The following ZCCHC24 variants were observed in gnomAD, a reference collection of about 807,000 sequenced individuals.
ZCCHC24 encodes the protein zinc finger CCHC domain-containing protein 24.
In ZCCHC24, 10 loss-of-function variants were observed where a neutral mutation model predicts 26.2. The ratio of observed to expected loss-of-function variants is 0.38; its 90% CI spans 0.24 to 0.65. The LOEUF (loss-of-function observed/expected upper bound fraction) is 0.65, where lower values mean the gene tolerates loss of function less well. Among genes scored for constraint, ZCCHC24 ranks in the 30% least tolerant of loss-of-function variants. The pLI is 0.54. For missense variants in ZCCHC24, 243 were observed against 329.1 expected (o/e 0.74, Z 2.03); for synonymous variants, 144 against 147.1 (o/e 0.98, Z 0.15).
chr10:79,386,079 G>C lies in ZCCHC24; in HGVS notation c.*266C>G. 1.8e-6 allele frequency: 1 copy of C among 553,716 alleles called. No individual in the cohort carries two copies. The highest frequency in any genetic ancestry group is 1.9e-5 in the African/African-American group (1 of 53,514). The allele number at this position is 553,716 out of a possible 1,614,324, so 34.3% of individuals were successfully genotyped here. ...GGCTCCTGGACATGGGCTTTTGCTTGCCTTTGTCCCCTCCACTGAGACCCC... is the reference window on the plus strand; with the variant it reads ...GGCTCCTGGACATGGGCTTTTGCTTCCCTTTGTCCCCTCCACTGAGACCCC... On this transcript the variant is annotated 3_prime_UTR_variant, in exon 4 of 4. Coordinates refer to ENST00000372336, the MANE Select transcript of ZCCHC24 (RefSeq NM_153367.4).
At chr10:79,406,815 T>TGA (rs1856720934) in intron 2 of ZCCHC24, among the ~76,000 whole-genome samples, 1 of 152,228 alleles carries the variant, frequency 6.6e-6, no homozygotes, top group African/African-American at 2.4e-5. Flanking sequence ...TACATGGCCT[T>TGA]GAGCTCTGAC....
chr10:79,394,423 C>T lies in ZCCHC24; in HGVS notation c.465G>A (p.Glu155=). ...KDCPQARPKG[E]GLTPYQGKKR... is the part of the protein sequence containing the mutation. ...TTTTGCCCTGGTATGGAGTCAGGCC[C>T]TCGCCTTTGGGGCGTGCCTACAGGG... Residue 155 remains glutamate, a synonymous_variant, in exon 3 of 4, where the codon GAG becomes GAA. Transcript: ENST00000372336. 1 of 1,614,154 alleles carries T rather than the reference C, an allele frequency of 6.2e-7. No individual in the cohort carries two copies. Among genetic ancestry groups the T allele is most frequent in the Non-Finnish European group, 8.5e-7 (1 of 1,179,986 alleles).
At chr10:79,441,817 G>T (rs1857294700) in intron 1 of ZCCHC24, among the ~76,000 whole-genome samples, 1 of 152,206 alleles carries the variant, frequency 6.6e-6, no homozygotes. Context: ...GAGGGAAAGA[G>T]AACAGCTGCC....
At chr10:79,444,303 C>T in intron 1 of ZCCHC24, 1 of 1,375,494 alleles carries the variant, frequency 7.3e-7, no homozygotes. Context: ...CTGGGCAGGC[C>T]CTGGAGACTC....
At chr10:79,444,198 G>T in intron 1 of ZCCHC24, 1 of 1,523,442 alleles carries the variant, frequency 6.6e-7, no homozygotes, top group South Asian at 1.3e-5. Context: ...ACAAGGGGAG[G>T]AAGTGAAGGC....
chr10:79,424,017 GAAAAA>G (rs5786403), intron 2 of ZCCHC24, among the ~76,000 whole-genome samples: 1 of 122,474 alleles, frequency 8.2e-6, no homozygotes. Flanking sequence ...GACTCCGTCT[GAAAAA>G]AAAAAAAAAA....
chr10:79,394,677 C>T (rs757534111), intron 2 of ZCCHC24: 34 of 965,838 alleles, frequency 3.5e-5, no homozygotes, highest in Middle Eastern at 5.3e-4. Flanking sequence ...GAGGAGATGG[C>T]GCACGTCTCT....
At chr10:79,436,399 G>A (rs1382703220) in intron 1 of ZCCHC24, among the ~76,000 whole-genome samples, 2 of 152,320 alleles carry the variant, frequency 1.3e-5, no homozygotes, top group Middle Eastern at 6.8e-3. Context: ...CACAGATCCA[G>A]GTGCTCCTGA....
chr10:79,426,273 C>T (rs372956780), intron 2 of ZCCHC24, among the ~76,000 whole-genome samples: 1 of 152,150 alleles, frequency 6.6e-6, no homozygotes, highest in East Asian at 1.9e-4. Flanking sequence ...AGCTTCAGGA[C>T]CTAGGCAGGG....
chr10:79,406,743 G>C (rs1327879890), intron 2 of ZCCHC24, among the ~76,000 whole-genome samples: 1 of 152,216 alleles, frequency 6.6e-6, no homozygotes, highest in Non-Finnish European at 1.5e-5. Context: ...ACACAGGCAG[G>C]AAACAGCAGA....
chr10:79,413,807 T>C (rs1856826362), intron 2 of ZCCHC24, among the ~76,000 whole-genome samples: 1 of 147,152 alleles, frequency 6.8e-6, no homozygotes, highest in Non-Finnish European at 1.5e-5. Flanking sequence ...AGAGAGAGTT[T>C]AGGGAGGTGC....
chr10:79,395,151 C>T (rs1856528572), intron 2 of ZCCHC24, among the ~76,000 whole-genome samples: 1 of 152,110 alleles, frequency 6.6e-6, no homozygotes, highest in South Asian at 2.1e-4. Context: ...TCAAGGGATC[C>T]TCCTGCCTCA....
intron 2 of ZCCHC24, among the ~76,000 whole-genome samples, chr10:79,421,918 C>T (rs1242925926): frequency 2.0e-5 from 3 of 152,140 alleles, no homozygotes; most frequent in African/African-American, 4.8e-5. Flanking sequence ...CATGAGCCAC[C>T]GCACCCAGCC....
At chr10:79,394,543 ATGTG>A in intron 2 of ZCCHC24, 103 bp from the exon 3 acceptor site, 1 of 1,516,532 alleles carries the variant, frequency 6.6e-7, no homozygotes, top group Non-Finnish European at 8.8e-7. Flanking sequence ...TCCTGTGTCC[ATGTG>A]TGCAGGCACC....
intron 2 of ZCCHC24, chr10:79,409,281 A>G (rs967352630): frequency 2.0e-5 from 3 of 152,278 alleles, no homozygotes; most frequent in Non-Finnish European, 4.4e-5. Context: ...CTTTCAAAGC[A>G]CAACCCTGGC....
At chr10:79,400,976 G>A (rs553361182) in intron 2 of ZCCHC24, among the ~76,000 whole-genome samples, 1 of 152,370 alleles carries the variant, frequency 6.6e-6, no homozygotes, top group East Asian at 1.9e-4. Context: ...ATCCTTTAGG[G>A]TGAAGCTTGA....
chr10:79,401,735 T>G (rs1390800817), intron 2 of ZCCHC24, among the ~76,000 whole-genome samples: 2 of 152,204 alleles, frequency 1.3e-5, no homozygotes, highest in Non-Finnish European at 2.9e-5. Flanking sequence ...AGCATGTGCC[T>G]GGCAGCCCAC....
Position 79,408,174 on chromosome 10 carries a change from G to A in ZCCHC24, c.448-13734C>T, listed in dbSNP as rs114845106. 2.3e-3 allele frequency among the ~76,000 whole-genome samples: 356 copies of A among 152,344 alleles called. 3 individuals carry two copies. The highest frequency in any genetic ancestry group is 8.1e-3 in the African/African-American group (336 of 41,582). ...GGGAAAAGTCAGCCCCTGAGCTACA[G>A]ATGTGGAGGCTGGTGGCAAGATTGG... On this transcript the variant is annotated intron_variant, in intron 2 of 3. Transcript: ENST00000372336.
chr10:79,425,558 T>C lies in ZCCHC24; in HGVS notation c.447+7000A>G, dbSNP rs181715218. Reference sequence around the variant, plus strand: ...GATGCAGGATGATATTGAAAAAGCATGCGCTCTGGAATCAGGAGCACCTGA... The same window carrying C: ...GATGCAGGATGATATTGAAAAAGCACGCGCTCTGGAATCAGGAGCACCTGA... On this transcript the variant is annotated intron_variant, in intron 2 of 3. Coordinates refer to ENST00000372336, the MANE Select transcript of ZCCHC24 (RefSeq NM_153367.4). Among the ~76,000 whole-genome samples the C allele has an allele frequency of 4.3e-3, 658 of 152,338 alleles. 3 individuals carry two copies. Among genetic ancestry groups the C allele is most frequent in the Middle Eastern group, 0.014 (4 of 294 alleles).
Sources: gnomAD v4.1 joint callset for allele counts (sites outside exome capture counted in the v4.1 genomes callset) on GRCh38, gnomAD v4.1.1 for gene constraint, MANE v1.5 for transcripts, NCBI Gene and HGNC (gene_info 2026-07-23, HGNC 2026-07-21) for gene names.